LRP1B: variants seen among roughly 807,000 people sequenced by gnomAD.
The protein encoded by LRP1B is low-density lipoprotein receptor-related protein 1B.
A neutral mutation model predicts 556.6 loss-of-function variants in LRP1B; 217 were observed. The ratio of observed to expected loss-of-function variants is 0.39; its 90% CI spans 0.35 to 0.44. The LOEUF (loss-of-function observed/expected upper bound fraction) is 0.44. Ranked by LOEUF, LRP1B falls within the 20% of genes least tolerant of loss-of-function variation. LRP1B has a pLI of 1.00. For synonymous variants in LRP1B, 2,047 were observed against 1,865.8 expected (o/e 1.10, Z -2.50); for missense variants, 5,053 against 5,620.8 (o/e 0.90, Z 3.23).
intron 66 of LRP1B, among the ~76,000 whole-genome samples, chr2:140,402,692 G>T (rs1480577220): frequency 6.6e-6 from 1 of 152,184 alleles, no homozygotes; most frequent in Non-Finnish European, 1.5e-5. Context: ...ACCTCAGTGT[G>T]TCTAATTGAG....
chr2:140,989,413 A>G, intron 17 of LRP1B, 119 bp downstream of exon 17: 1 of 1,008,236 alleles, frequency 9.9e-7, no homozygotes, highest in Non-Finnish European at 1.5e-6. Context: ...TTCATTTACT[A>G]CTGCAATAAT....
At chr2:141,380,817 T>G (rs1689612652) in intron 3 of LRP1B, among the ~76,000 whole-genome samples, 1 of 152,098 alleles carries the variant, frequency 6.6e-6, no homozygotes, top group African/African-American at 2.4e-5. Context: ...CTTGAGGCGT[T>G]AATGGGACTT....
chr2:141,514,304 G>C (rs1398047485), intron 2 of LRP1B, among the ~76,000 whole-genome samples: 1 of 152,074 alleles, frequency 6.6e-6, no homozygotes, highest in Non-Finnish European at 1.5e-5. Context: ...TTCAATAAAG[G>C]CTTAGCCCCT....
At chr2:141,905,461 T>C (rs1036005476) in intron 1 of LRP1B, among the ~76,000 whole-genome samples, 7 of 151,854 alleles carry the variant, frequency 4.6e-5, no homozygotes, top group African/African-American at 1.7e-4. Flanking sequence ...TTTTGTACTT[T>C]TTTTTTCAAG....
chr2:140,501,676 T>G lies in LRP1B; in HGVS notation c.8850+11A>C. The stretch of plus-strand genomic sequence containing the variant: ...GTATCGTATGATTTGCTACTTTTGA[T>G]GAGTACCTACCTTATAACTGACCGG... On this transcript the variant is annotated intron_variant, in intron 55 of 90. Transcript: ENST00000389484. The G allele has an allele frequency of 6.4e-7, 1 of 1,565,734 alleles. No individual in the cohort carries two copies. The highest frequency in any genetic ancestry group is 8.7e-7 in the Non-Finnish European group (1 of 1,154,132).
chr2:141,768,778 AATT>A (rs1444897447), intron 2 of LRP1B, among the ~76,000 whole-genome samples: 2 of 152,110 alleles, frequency 1.3e-5, no homozygotes, highest in East Asian at 3.9e-4. Context: ...CTGCAGTAAG[AATT>A]ATATTATACT....
At chr2:141,128,152 T>C (rs1051899833) in intron 7 of LRP1B, among the ~76,000 whole-genome samples, 2 of 152,156 alleles carry the variant, frequency 1.3e-5, no homozygotes, top group Non-Finnish European at 2.9e-5. Flanking sequence ...CTGGCCTTCA[T>C]TTGAATAATT....
intron 2 of LRP1B, among the ~76,000 whole-genome samples, chr2:141,514,310 C>T (rs576670023): frequency 2.9e-4 from 44 of 152,264 alleles, no homozygotes; most frequent in Non-Finnish European, 5.1e-4. Context: ...AAAGGCTTAG[C>T]CCCTTGGATT....
At chr2:141,294,165 A>G (rs1299712712) in intron 3 of LRP1B, among the ~76,000 whole-genome samples, 1 of 152,046 alleles carries the variant, frequency 6.6e-6, no homozygotes, top group African/African-American at 2.4e-5. Flanking sequence ...ATATCTTTTT[A>G]TTTTTTCATA....
intron 35 of LRP1B, among the ~76,000 whole-genome samples, chr2:140,743,462 C>A (rs748317922): frequency 2.0e-5 from 3 of 152,142 alleles, no homozygotes; most frequent in Non-Finnish European, 4.4e-5. Flanking sequence ...TCCAAACCTG[C>A]CCTTTAGCAG....
chr2:141,198,361 C>T (rs1410760353), intron 6 of LRP1B, among the ~76,000 whole-genome samples: 5 of 152,076 alleles, frequency 3.3e-5, no homozygotes, highest in Non-Finnish European at 7.4e-5. Context: ...CATTACAGAG[C>T]CTTTCCTTAT....
At chr2:141,984,387 A>T (rs112984200) in intron 1 of LRP1B, among the ~76,000 whole-genome samples, 308 of 3,292 alleles carry the variant, frequency 0.094, 5 homozygotes, top group East Asian at 0.49. Context: ...GTATGTGTTT[A>T]AGAGTTTGAC....
chr2:140,561,198 T>C (rs1356140098), intron 43 of LRP1B, among the ~76,000 whole-genome samples: 1 of 152,154 alleles, frequency 6.6e-6, no homozygotes, highest in African/African-American at 2.4e-5. Flanking sequence ...TTCCCACCTC[T>C]CTGTCTAGGA....
chr2:141,732,229 G>A (rs533981174), intron 2 of LRP1B, among the ~76,000 whole-genome samples: 1 of 152,188 alleles, frequency 6.6e-6, no homozygotes, highest in East Asian at 1.9e-4. Context: ...CTACAACGTT[G>A]GGGAATTACT....
intron 41 of LRP1B, among the ~76,000 whole-genome samples, chr2:140,617,836 A>C (rs1281354348): frequency 6.6e-6 from 1 of 151,972 alleles, no homozygotes; most frequent in Non-Finnish European, 1.5e-5. Context: ...CCAAAATCCT[A>C]CTTAATTAGG....
In LRP1B at chr2:140,239,446, TTTTTC is replaced by T. The variant is rs761282488; in HGVS notation, c.13406_13410del (p.Arg4469LysfsTer7). Reference sequence around the variant, plus strand: ...ATCTAGAACATTGCATCTTACCTTCTTTTTCTTTTACAAAGCACTAAACCAATTAC... The same window carrying T: ...ATCTAGAACATTGCATCTTACCTTCTTTTTACAAAGCACTAAACCAATTAC... On this transcript the variant is annotated frameshift_variant, in exon 88 of 91. Coordinates refer to ENST00000389484, the MANE Select transcript of LRP1B (RefSeq NM_018557.3). LOFTEE classifies it high-confidence loss of function. 6.3e-7 allele frequency: 1 copy of T among 1,585,448 alleles called. No individual in the cohort carries two copies. The highest frequency in any genetic ancestry group is 1.1e-5 in the South Asian group (1 of 88,298).
intron 35 of LRP1B, among the ~76,000 whole-genome samples, chr2:140,720,665 T>A (rs1344194573): frequency 3.3e-5 from 5 of 152,112 alleles, no homozygotes; most frequent in Non-Finnish European, 5.9e-5. Context: ...GTTTTAAAGA[T>A]ATTTCACCCT....
intron 2 of LRP1B, among the ~76,000 whole-genome samples, chr2:141,592,650 TC>T (rs1319211225): frequency 2.0e-5 from 3 of 152,124 alleles, no homozygotes; most frequent in Non-Finnish European, 4.4e-5. Context: ...ACTTAGGACT[TC>T]CCTGGTATGA....
chr2:141,374,737 C>T (rs979329542), intron 3 of LRP1B, among the ~76,000 whole-genome samples: 1 of 152,070 alleles, frequency 6.6e-6, no homozygotes, highest in Non-Finnish European at 1.5e-5. Flanking sequence ...GCTTTCTTAT[C>T]TCCTTGGTAA....
Sources: allele counts gnomAD v4.1 joint callset (sites outside exome capture counted in the v4.1 genomes callset), GRCh38; gene constraint gnomAD v4.1.1; transcripts MANE v1.5; gene names NCBI Gene and HGNC (gene_info 2026-07-23, HGNC 2026-07-21).